GFRA1: variants seen among roughly 807,000 people sequenced by gnomAD.
GFRA1 encodes GDNF family receptor alpha 1.
Under a neutral mutation model 51.6 loss-of-function variants are expected in GFRA1, and 16 were observed. The ratio of observed to expected loss-of-function variants is 0.31; its 90% CI spans 0.21 to 0.47. The LOEUF (loss-of-function observed/expected upper bound fraction) is 0.47. Ranked by LOEUF, GFRA1 falls within the 20% of genes least tolerant of loss-of-function variation. The probability of loss-of-function intolerance (pLI) is 1.00; values close to 1 mark genes in which losing one functional copy is unlikely to be tolerated. For missense variants in GFRA1, 530 were observed against 594.3 expected (o/e 0.89, Z 1.13); for synonymous variants, 270 against 241.3 (o/e 1.12, Z -1.10).
chr10:116,176,260 G>A (rs1019465836), intron 5 of GFRA1, among the ~76,000 whole-genome samples: 2 of 152,206 alleles, frequency 1.3e-5, no homozygotes, highest in Admixed American at 1.3e-4. Context: ...GTGCCTGCAT[G>A]AACACTTAAG....
intron 4 of GFRA1, among the ~76,000 whole-genome samples, chr10:116,221,239 G>A (rs1965902414): frequency 6.6e-6 from 1 of 152,076 alleles, no homozygotes; most frequent in African/African-American, 2.4e-5. Context: ...GCTGCCAAAG[G>A]TCAAAGGGAA....
At chr10:116,208,415 A>G (rs1027384945) in intron 5 of GFRA1, among the ~76,000 whole-genome samples, 1 of 152,130 alleles carries the variant, frequency 6.6e-6, no homozygotes, top group Non-Finnish European at 1.5e-5. Flanking sequence ...CAAGGTCTAG[A>G]AAGTGCCCTG....
intron 5 of GFRA1, among the ~76,000 whole-genome samples, chr10:116,138,222 C>T (rs1958414245): frequency 6.6e-6 from 1 of 152,140 alleles, no homozygotes; most frequent in Admixed American, 6.5e-5. Flanking sequence ...ATTTCTCGTT[C>T]ATGGAAACAG....
intron 5 of GFRA1, among the ~76,000 whole-genome samples, chr10:116,178,299 C>CA (rs1555163904): frequency 2.0e-4 from 28 of 138,988 alleles, no homozygotes; most frequent in Middle Eastern, 3.7e-3. Flanking sequence ...CACAAGGGGC[C>CA]GGGGGGGCGT....
At chr10:116,104,512 T>C (rs1271127530) in intron 6 of GFRA1, among the ~76,000 whole-genome samples, 2 of 152,194 alleles carry the variant, frequency 1.3e-5, no homozygotes, top group Non-Finnish European at 1.5e-5. Context: ...AGAATGGAGT[T>C]CCGGCGATGC....
Position 116,057,003 on chromosome 10 carries a change from T to C in GFRA1, c.*7395A>G, listed in dbSNP as rs1007066595. 8.5e-5 allele frequency: 13 copies of C among 152,152 alleles called. No individual in the cohort carries two copies. The highest frequency in any genetic ancestry group is 2.4e-4 in the African/African-American group (10 of 41,388). The allele number at this position is 152,152 out of a possible 1,614,324, so 9.4% of individuals were successfully genotyped here. A position where few individuals can be genotyped will look rare whatever the true frequency, so the allele number is the denominator to read the frequency against. On this transcript the variant is annotated 3_prime_UTR_variant, in exon 11 of 11. Transcript: ENST00000355422. Reference sequence around the variant, plus strand: ...GGCCAAAGGGACTATGTACATTCTGTAGTGCTTGAGCAATAGGCTAACAGA... The same window carrying C: ...GGCCAAAGGGACTATGTACATTCTGCAGTGCTTGAGCAATAGGCTAACAGA...
intron 4 of GFRA1, among the ~76,000 whole-genome samples, chr10:116,263,387 A>G (rs975867847): frequency 6.6e-6 from 1 of 152,168 alleles, no homozygotes; most frequent in Non-Finnish European, 1.5e-5. Context: ...AATCCAAAAG[A>G]ACCTATACAG....
chr10:116,133,248 T>C (rs964771184), intron 5 of GFRA1, among the ~76,000 whole-genome samples: 17 of 152,202 alleles, frequency 1.1e-4, no homozygotes, highest in African/African-American at 3.9e-4. Context: ...AACCAGATTT[T>C]CACTTCAAAT....
At chr10:116,078,727 G>A (rs866825211) in intron 9 of GFRA1, among the ~76,000 whole-genome samples, 2 of 152,158 alleles carry the variant, frequency 1.3e-5, no homozygotes, top group Admixed American at 6.5e-5. Context: ...AACAGCGGGT[G>A]CTAGAAAACA....
chr10:116,129,970 T>C lies in GFRA1; in HGVS notation c.434-4413A>G, dbSNP rs572561667. ...ATGCCTTGATATATGTTTAATGTTA[T>C]GGAATGACGAAATCAAGCTAATTAA... is the stretch of plus-strand genomic sequence containing the variant. On this transcript the variant is annotated intron_variant, in intron 5 of 10. Coordinates refer to ENST00000355422, the MANE Select transcript of GFRA1 (RefSeq NM_005264.8). Among the ~76,000 whole-genome samples the C allele has an allele frequency of 2.4e-4, 37 of 151,784 alleles. 2 individuals carry two copies. Among genetic ancestry groups the C allele is most frequent in the South Asian group, 2.3e-3 (11 of 4,818 alleles).
intron 5 of GFRA1, among the ~76,000 whole-genome samples, chr10:116,177,322 G>A (rs1274472949): frequency 6.6e-6 from 1 of 152,140 alleles, no homozygotes; most frequent in East Asian, 1.9e-4. Flanking sequence ...GGAGGCTTAT[G>A]CAATGGTCTA....
chr10:116,140,767 G>A (rs746975009), intron 5 of GFRA1, among the ~76,000 whole-genome samples: 3 of 152,216 alleles, frequency 2.0e-5, no homozygotes, highest in Non-Finnish European at 2.9e-5. Flanking sequence ...ACTCAGGAGT[G>A]TTTCCGCATT....
At chr10:116,100,905 G>A (rs545004405) in intron 6 of GFRA1, among the ~76,000 whole-genome samples, 46 of 152,222 alleles carry the variant, frequency 3.0e-4, no homozygotes, top group African/African-American at 1.1e-3. Flanking sequence ...CTGGAGGGGT[G>A]AGAACAGAAT....
chr10:116,150,298 T>C (rs1959009467), intron 5 of GFRA1, among the ~76,000 whole-genome samples: 1 of 152,168 alleles, frequency 6.6e-6, no homozygotes, highest in Non-Finnish European at 1.5e-5. Flanking sequence ...CTCTAACTAA[T>C]GTCCTTGCTG....
intron 5 of GFRA1, among the ~76,000 whole-genome samples, chr10:116,127,316 A>T (rs1283999195): frequency 6.6e-6 from 1 of 152,246 alleles, no homozygotes; most frequent in African/African-American, 2.4e-5. Context: ...CACACAAAGC[A>T]AGTCCAACAT....
At chr10:116,153,331 A>T (rs1418417840) in intron 5 of GFRA1, among the ~76,000 whole-genome samples, 1 of 152,162 alleles carries the variant, frequency 6.6e-6, no homozygotes, top group African/African-American at 2.4e-5. Context: ...CCCTTTATAC[A>T]TCTTTCTGGA....
chr10:116,189,095 A>G, intron 5 of GFRA1, among the ~76,000 whole-genome samples: 1 of 150,814 alleles, frequency 6.6e-6, no homozygotes, highest in Admixed American at 6.6e-5. Context: ...TCTCTTAAAA[A>G]AAAAAAAAAA....
chr10:116,229,419 TTC>T (rs1250737532), intron 4 of GFRA1, among the ~76,000 whole-genome samples: 3 of 152,292 alleles, frequency 2.0e-5, no homozygotes, highest in East Asian at 1.9e-4. Context: ...GCCACTGAAA[TTC>T]TGTTTGTTCT....
chr10:116,136,686 A>G (rs1958339447), intron 5 of GFRA1, among the ~76,000 whole-genome samples: 1 of 152,192 alleles, frequency 6.6e-6, no homozygotes, highest in Non-Finnish European at 1.5e-5. Context: ...GCTAGTCAAC[A>G]CTTGTCCCAA....
Sources: allele counts gnomAD v4.1 joint callset (sites outside exome capture counted in the v4.1 genomes callset), GRCh38; gene constraint gnomAD v4.1.1; transcripts MANE v1.5; gene names NCBI Gene and HGNC (gene_info 2026-07-23, HGNC 2026-07-21).